The following NOS2 variants were observed in gnomAD, a reference collection of about 807,000 sequenced individuals.
NOS2 encodes the protein nitric oxide synthase 2.
NOS2 carries 96 observed loss-of-function variants against 136.0 expected under a neutral mutation model. The observed-to-expected ratio is 0.71, with a 90% CI of 0.60 to 0.84. The LOEUF (loss-of-function observed/expected upper bound fraction) is 0.84, where lower values mean the gene tolerates loss of function less well. NOS2 is among the 40% of genes least tolerant of loss of function. NOS2 has a pLI of 0.00. For missense variants in NOS2, 1,237 were observed against 1,496.9 expected, an observed-to-expected ratio of 0.83 and a Z score of 2.87; for synonymous variants, 539 against 587.5, an observed-to-expected ratio of 0.92 and a Z score of 1.20.
intron 11 of NOS2, among the ~76,000 whole-genome samples, chr17:27,774,904 C>A (rs1366187222): frequency 6.6e-6 from 1 of 152,154 alleles, no homozygotes; most frequent in Non-Finnish European, 1.5e-5. Flanking sequence ...GGAGCCAGAC[C>A]CCTCCGTGGG....
At chr17:27,784,897 C>T (rs1437289169) in intron 5 of NOS2, among the ~76,000 whole-genome samples, 2 of 152,206 alleles carry the variant, frequency 1.3e-5, no homozygotes, top group Non-Finnish European at 2.9e-5. Flanking sequence ...AAGGTATGTA[C>T]TTGTGACTTG....
At chr17:27,765,783 G>A (rs1473650399) in intron 19 of NOS2, 67 bp from the exon 20 acceptor site, 20 of 1,462,504 alleles carry the variant, frequency 1.4e-5, no homozygotes, top group Admixed American at 2.2e-5. Context: ...TGATGGGCAG[G>A]CGAGATTCCC....
chr17:27,761,185 G>A lies in NOS2; in HGVS notation c.2847C>T (p.Asn949=), dbSNP rs566083417. 4 of 1,609,930 alleles carry A rather than the reference G, an allele frequency of 2.5e-6. No individual in the cohort carries two copies. Among genetic ancestry groups the A allele is most frequent in the South Asian group, 1.1e-5 (1 of 90,252 alleles). ...LHHGVCSTWL[N]SLKPQDPVPC... ...GCACTGGGTCTTGGGGCTTCAGGCTGTTGAGCCATGTGCTGCAGACGCCGT... is the reference window on the plus strand; with the variant it reads ...GCACTGGGTCTTGGGGCTTCAGGCTATTGAGCCATGTGCTGCAGACGCCGT... The change falls in exon 23 of 27, where the codon AAC becomes AAT. Residue 949 remains asparagine, a synonymous_variant. Coordinates refer to ENST00000313735, the MANE Select transcript of NOS2 (RefSeq NM_000625.4).
At position 27,789,708 on chromosome 17, in the gene NOS2, G is replaced by C; in HGVS notation, c.111-20C>G. On this transcript the variant is annotated intron_variant, in intron 2 of 26. Coordinates refer to ENST00000313735, the MANE Select transcript of NOS2 (RefSeq NM_000625.4). ...ACTGGACTGTGAAAGGAAACAGCTA[G>C]CATGAGATGCGGTATCCAAGGGTGG... is the stretch of plus-strand genomic sequence containing the variant. The C allele has an allele frequency of 6.3e-7, 1 of 1,584,504 alleles. No homozygotes were observed. Among genetic ancestry groups the C allele is most frequent in the Non-Finnish European group, 8.7e-7 (1 of 1,153,250 alleles).
Position 27,765,523 on chromosome 17 carries a change from C to G in NOS2, c.2428+12G>C. The G allele has an allele frequency of 6.3e-7, 1 of 1,582,194 alleles. No individual in the cohort carries two copies. The highest frequency in any genetic ancestry group is 8.6e-7 in the Non-Finnish European group (1 of 1,165,466). ...GTGCCAGGCAGCACTGGCTTTCTAG[C>G]CCGGGGCTCACCACTCTCATCCAGG... On this transcript the variant is annotated intron_variant, in intron 20 of 26. Coordinates refer to ENST00000313735, the MANE Select transcript of NOS2 (RefSeq NM_000625.4).
intron 26 of NOS2, among the ~76,000 whole-genome samples, chr17:27,758,162 ACATAGTAGGTGCT>A (rs1907987518): frequency 6.6e-6 from 1 of 152,190 alleles, no homozygotes; most frequent in Non-Finnish European, 1.5e-5. Flanking sequence ...TATCCCTAGC[ACATAGTAGGTGCT>A]CAATAAATGT....
intron 25 of NOS2, among the ~76,000 whole-genome samples, chr17:27,759,499 A>G (rs568757295): frequency 2.8e-4 from 42 of 152,238 alleles, no homozygotes; most frequent in Non-Finnish European, 5.6e-4. Context: ...GGAGTCAGTC[A>G]GGGACTCTCT....
At chr17:27,782,791 C>T (rs540489364) in intron 6 of NOS2, among the ~76,000 whole-genome samples, 153 bp downstream of exon 6, 17 of 152,312 alleles carry the variant, frequency 1.1e-4, no homozygotes, top group Non-Finnish European at 5.9e-5. Context: ...ACCCTAGGTG[C>T]CCCATCTCAA....
intron 4 of NOS2, 41 bp from the exon 5 acceptor site, chr17:27,787,867 C>T: frequency 6.4e-7 from 1 of 1,567,752 alleles, no homozygotes; most frequent in South Asian, 1.2e-5. Flanking sequence ...GGCCATTCGG[C>T]CTCTTGCCAC....
chr17:27,759,170 A>T, intron 25 of NOS2, 95 bp from the exon 26 acceptor site: 1 of 861,988 alleles, frequency 1.2e-6, no homozygotes, highest in Non-Finnish European at 1.7e-6. Context: ...GGAGAGGGGC[A>T]CTAAGGGGTG....
At chr17:27,793,632 G>C (rs1407611455) in intron 2 of NOS2, 1 of 397,424 alleles carries the variant, frequency 2.5e-6, no homozygotes, top group Admixed American at 4.4e-5. Flanking sequence ...GGAGGATCCT[G>C]CAGAGCAGCC....
At chr17:27,790,178 C>T (rs2142525345) in intron 2 of NOS2, among the ~76,000 whole-genome samples, 1 of 152,344 alleles carries the variant, frequency 6.6e-6, no homozygotes, top group South Asian at 2.1e-4. Context: ...TCTGCAACCT[C>T]CACTTCTCAG....
rs144057872 is a variant in NOS2 at position 27,765,618 on chromosome 17, G to A, written c.2345C>T (p.Ala782Val). 1.1e-4 allele frequency: 184 copies of A among 1,613,082 alleles called. No homozygotes were observed. In the African/African-American group the frequency reaches 1.9e-3, roughly 16 times the overall value. ...TCGCTCCAGGATACCTTGGACCAGG[G>A]CCGGCTGGTTGCCTGGGCAAACCCC... ...HLGVCPGNQPALVQGILERVV... is the reference protein window; with the variant it reads ...HLGVCPGNQPVLVQGILERVV... The change falls in exon 20 of 27, where the codon GCC becomes GTC. Residue 782 changes from alanine (A) to valine (V), a missense_variant. Ala to Val is a moderately conservative substitution (Grantham distance 64). Transcript: ENST00000313735.
chr17:27,769,391 A>G (rs1908416252), intron 16 of NOS2, 144 bp downstream of exon 16: 3 of 780,684 alleles, frequency 3.8e-6, no homozygotes, highest in African/African-American at 1.7e-5. Context: ...CCCTCGACAC[A>G]TTCTGAGTAC....
intron 22 of NOS2, 104 bp downstream of exon 22, chr17:27,762,694 T>TC: frequency 1.2e-6 from 1 of 825,898 alleles, no homozygotes; most frequent in Non-Finnish European, 1.9e-6. Flanking sequence ...CTGTGGGTGT[T>TC]CCCTCCCTCC....
At chr17:27,796,986 G>A (rs996133426) in intron 2 of NOS2, among the ~76,000 whole-genome samples, 6 of 152,160 alleles carry the variant, frequency 3.9e-5, no homozygotes, top group African/African-American at 1.4e-4. Context: ...ACCTACAATG[G>A]CTCCCTACTG....
chr17:27,783,090 G>A lies in NOS2; in HGVS notation c.484C>T (p.His162Tyr), dbSNP rs763037792. Residue 162 changes from histidine (H) to tyrosine (Y), a missense_variant, in exon 6 of 27, where the codon CAT (histidine) becomes TAT (tyrosine). Around this residue, in one of 3 missense-constraint regions of NOS2, gnomAD observed 440 missense variants for 545.4 expected, o/e 0.81. Coordinates refer to ENST00000313735, the MANE Select transcript of NOS2 (RefSeq NM_000625.4). ...GTTACCGCTTCCACCCTGGCCAGAT[G>A]TTCCTCTATTTTTGCCCTGGGGGAC... is the stretch of plus-strand genomic sequence containing the variant. ...GSFKEAKIEE[H>Y]LARVEAVTKE... 14 of 1,614,046 alleles carry A rather than the reference G, an allele frequency of 8.7e-6. No individual in the cohort carries two copies. The highest frequency in any genetic ancestry group is 1.1e-5 in the Non-Finnish European group (13 of 1,180,036).
chr17:27,765,317 T>C (rs1257108580), intron 20 of NOS2, among the ~76,000 whole-genome samples: 1 of 152,226 alleles, frequency 6.6e-6, no homozygotes, highest in Admixed American at 6.5e-5. Flanking sequence ...GGCCACTGCA[T>C]TGAGGGGGAT....
chr17:27,767,738 C>A lies in NOS2; in HGVS notation c.2134G>T (p.Val712Leu), dbSNP rs771799683. 1.9e-6 allele frequency: 3 copies of A among 1,613,592 alleles called. No homozygotes were observed. The highest frequency in any genetic ancestry group is 1.1e-5 in the South Asian group (1 of 91,056). Residue 712 changes from valine to leucine, a missense_variant, in exon 18 of 27, where the codon GTG becomes TTG. Physicochemically the swap from Val to Leu is conservative, Grantham distance 32. Coordinates refer to ENST00000313735, the MANE Select transcript of NOS2 (RefSeq NM_000625.4). ...VTWDPHHYRL[V>L]QDSQPLDLSK... The stretch of plus-strand genomic sequence containing the variant: ...AGGTCCAAAGGCTGTGAGTCCTGCA[C>A]GAGCCTGTAGTGGTGCGGGTCCCAG...
Sources: gnomAD v4.1 joint callset for allele counts (sites outside exome capture counted in the v4.1 genomes callset) on GRCh38, gnomAD v4.1.1 for gene constraint, gnomAD v4.1.1 regional missense constraint, MANE v1.5 for transcripts, NCBI Gene and HGNC (gene_info 2026-07-23, HGNC 2026-07-21) for gene names.